The following PPHLN1 variants were observed in gnomAD, a reference collection of about 807,000 sequenced individuals.
PPHLN1 encodes periphilin 1.
A neutral mutation model predicts 51.3 loss-of-function variants in PPHLN1; 29 were observed. The observed-to-expected ratio is 0.57, with a 90% CI of 0.42 to 0.77. The LOEUF (loss-of-function observed/expected upper bound fraction) is 0.77. Among genes scored for constraint, PPHLN1 ranks in the 30% least tolerant of loss-of-function variants. The pLI is 0.00. For synonymous variants in PPHLN1, 147 were observed against 147.8 expected, an observed-to-expected ratio of 0.99 and a Z score of 0.04; for missense variants, 436 against 438.4, an observed-to-expected ratio of 0.99 and a Z score of 0.05.
At chr12:42,416,578 C>A (rs1209591391) in intron 9 of PPHLN1, among the ~76,000 whole-genome samples, 1 of 152,138 alleles carries the variant, frequency 6.6e-6, no homozygotes, top group Non-Finnish European at 1.5e-5. Context: ...TATGCTAGAA[C>A]AACTCACGGA....
At chr12:42,403,282 C>T (rs1393730158) in intron 9 of PPHLN1, among the ~76,000 whole-genome samples, 2 of 152,136 alleles carry the variant, frequency 1.3e-5, no homozygotes, top group Admixed American at 6.5e-5. Flanking sequence ...TATTACCAAC[C>T]ACTTGTTCAG....
chr12:42,349,692 C>A (rs1378978426), intron 2 of PPHLN1, among the ~76,000 whole-genome samples: 6 of 152,072 alleles, frequency 3.9e-5, no homozygotes, highest in Admixed American at 3.3e-4. Flanking sequence ...TGAGTTGACA[C>A]AGCACATGTT....
chr12:42,342,028 A>C (rs1157079659), intron 2 of PPHLN1, among the ~76,000 whole-genome samples: 1 of 152,222 alleles, frequency 6.6e-6, no homozygotes, highest in African/African-American at 2.4e-5. Context: ...ACTAAAGTTC[A>C]AAGAAGTGCA....
chr12:42,446,347 TTA>T, downstream of PPHLN1: 1 of 1,513,586 alleles, frequency 6.6e-7, no homozygotes, highest in South Asian at 1.3e-5. Context: ...CTATACCCTA[TTA>T]AGCCCATTTT....
chr12:42,377,289 A>G (rs1169860227), intron 5 of PPHLN1, among the ~76,000 whole-genome samples: 3 of 141,046 alleles, frequency 2.1e-5, no homozygotes, highest in Admixed American at 7.6e-5. Context: ...AGACCCTTAA[A>G]ATTTTTTCTT....
chr12:42,352,820 G>A (rs1160166033), intron 3 of PPHLN1, among the ~76,000 whole-genome samples: 5 of 152,052 alleles, frequency 3.3e-5, no homozygotes, highest in Non-Finnish European at 4.4e-5. Flanking sequence ...TGGGCATAGC[G>A]GCTCACACCT....
chr12:42,417,987 T>C (rs934517505), intron 9 of PPHLN1, among the ~76,000 whole-genome samples: 8 of 132,628 alleles, frequency 6.0e-5, no homozygotes, highest in African/African-American at 2.1e-4. Flanking sequence ...TCGCCCAGGC[T>C]GGAGTGCTGT....
At chr12:42,326,896 C>T (rs2068866583) in intron 1 of PPHLN1, among the ~76,000 whole-genome samples, 1 of 152,304 alleles carries the variant, frequency 6.6e-6, no homozygotes, top group South Asian at 2.1e-4. Flanking sequence ...GTTCCAGCAG[C>T]CTGGAACCCA....
downstream of PPHLN1, chr12:42,446,881 G>T (rs2083348184): frequency 7.3e-6 from 3 of 412,730 alleles, no homozygotes; most frequent in East Asian, 1.0e-4. Context: ...AATTTATCTA[G>T]ATAAGTTTGT....
chr12:42,345,367 A>T (rs1422357133), intron 2 of PPHLN1, among the ~76,000 whole-genome samples: 1 of 151,754 alleles, frequency 6.6e-6, no homozygotes, highest in Non-Finnish European at 1.5e-5. Flanking sequence ...GTTTATGTGC[A>T]AGTTTTTTTT....
intron 8 of PPHLN1, 70 bp from the exon 9 acceptor site, chr12:42,398,784 T>C: frequency 7.0e-7 from 1 of 1,434,824 alleles, no homozygotes; most frequent in Non-Finnish European, 9.4e-7. Context: ...AGTTAGTGCC[T>C]ATACACAACC....
chr12:42,355,168 C>G lies in PPHLN1; in HGVS notation c.245C>G (p.Ser82Cys), dbSNP rs772744214. ...AGCTTTTTTATGTTACAGGATGAAT[C>G]TGGTTATAGATGGACAAGAGACGAT... ...RSGPPHRGDE[S>C]GYRWTRDDHS... The change falls in exon 4 of 10, where the codon TCT becomes TGT. Residue 82 changes from serine to cysteine, a missense_variant. Coordinates refer to ENST00000358314, the MANE Select transcript of PPHLN1 (RefSeq NM_201439.2). 6.2e-7 allele frequency: 1 copy of G among 1,613,470 alleles called. No homozygotes were observed. The highest frequency in any genetic ancestry group is 2.2e-5 in the East Asian group (1 of 44,816).
At chr12:42,426,201 CA>C (rs2081455701) in intron 9 of PPHLN1, among the ~76,000 whole-genome samples, 4 of 149,480 alleles carry the variant, frequency 2.7e-5, no homozygotes, top group African/African-American at 7.4e-5. Context: ...CACACACACA[CA>C]CACACACACA....
chr12:42,350,542 T>C (rs1383484604), intron 2 of PPHLN1, among the ~76,000 whole-genome samples: 6 of 151,516 alleles, frequency 4.0e-5, no homozygotes, highest in African/African-American at 1.2e-4. Context: ...GCAGAGACGC[T>C]CCTCACTTCC....
intron 7 of PPHLN1, among the ~76,000 whole-genome samples, chr12:42,389,148 G>A (rs557162741): frequency 2.6e-5 from 4 of 152,184 alleles, no homozygotes; most frequent in Non-Finnish European, 4.4e-5. Flanking sequence ...CGAGGCAGGC[G>A]GATCATGAGG....
chr12:42,405,351 T>TATGCACTTG (rs1195463617), intron 9 of PPHLN1, among the ~76,000 whole-genome samples: 3 of 152,246 alleles, frequency 2.0e-5, no homozygotes, highest in Non-Finnish European at 2.9e-5. Context: ...GTATGTTTTA[T>TATGCACTTG]ATGCACTTGA....
At chr12:42,438,009 C>G (rs2082631770) in intron 9 of PPHLN1, among the ~76,000 whole-genome samples, 1 of 152,094 alleles carries the variant, frequency 6.6e-6, no homozygotes, top group Non-Finnish European at 1.5e-5. Context: ...GGCTTGATAG[C>G]TCATTTCTTT....
chr12:42,338,138 G>A (rs185892803), intron 2 of PPHLN1, among the ~76,000 whole-genome samples: 3 of 152,172 alleles, frequency 2.0e-5, no homozygotes, highest in African/African-American at 7.2e-5. Context: ...TGTTGGCCAG[G>A]CTGGTCTCGA....
At chr12:42,385,072 G>A in intron 6 of PPHLN1, 76 bp downstream of exon 6, 1 of 1,426,454 alleles carries the variant, frequency 7.0e-7, no homozygotes, top group South Asian at 1.2e-5. Flanking sequence ...TATGGAAATG[G>A]GGAAAGTGTA....
Sources: allele counts gnomAD v4.1 joint callset (sites outside exome capture counted in the v4.1 genomes callset), GRCh38; gene constraint gnomAD v4.1.1; transcripts MANE v1.5; gene names NCBI Gene and HGNC (gene_info 2026-07-23, HGNC 2026-07-21).